Variants in TTC27 observed in about 807,000 individuals in gnomAD.
The protein encoded by TTC27 is tetratricopeptide repeat protein 27.
Under a neutral mutation model 115.9 loss-of-function variants are expected in TTC27, and 79 were observed. The ratio of observed to expected loss-of-function variants is 0.68; its 90% CI spans 0.57 to 0.82. TTC27 has a LOEUF of 0.82. Ranked by LOEUF, TTC27 falls within the 40% of genes least tolerant of loss-of-function variation. The pLI, the probability that TTC27 is intolerant of heterozygous loss-of-function variation, is 0.00. For missense variants in TTC27, 1,054 were observed against 993.1 expected, an observed-to-expected ratio of 1.06 and a Z score of -0.82; for synonymous variants, 401 against 356.0, an observed-to-expected ratio of 1.13 and a Z score of -1.42.
intron 16 of TTC27, among the ~76,000 whole-genome samples, chr2:32,796,109 G>T (rs540318883): frequency 2.6e-5 from 4 of 152,136 alleles, no homozygotes; most frequent in Admixed American, 2.6e-4. Flanking sequence ...ATTCAGCATA[G>T]TAGCAGGATG....
At chr2:32,708,059 A>G (rs560578292) in intron 10 of TTC27, among the ~76,000 whole-genome samples, 1 of 152,282 alleles carries the variant, frequency 6.6e-6, no homozygotes, top group Non-Finnish European at 1.5e-5. Context: ...CAGCAAATTA[A>G]ATAGTACAGT....
intron 5 of TTC27, among the ~76,000 whole-genome samples, chr2:32,654,470 G>T (rs544980691): frequency 2.7e-4 from 41 of 152,098 alleles, no homozygotes; most frequent in African/African-American, 9.9e-4. Flanking sequence ...GTGACATTTT[G>T]TATATGCATA....
At chr2:32,681,856 C>T (rs1368175083) in intron 9 of TTC27, among the ~76,000 whole-genome samples, 1 of 152,014 alleles carries the variant, frequency 6.6e-6, no homozygotes, top group East Asian at 1.9e-4. Flanking sequence ...GTATCTGAGA[C>T]AAGAGGGACT....
chr2:32,758,378 T>A lies in TTC27; in HGVS notation c.1539T>A (p.Ser513=), dbSNP rs754542206. 1 of 1,614,250 alleles carries A rather than the reference T, an allele frequency of 6.2e-7. No homozygotes were observed. Among genetic ancestry groups the A allele is most frequent in the South Asian group, 1.1e-5 (1 of 91,092 alleles). ...CLLGDVLGDH[S]CYDKAWELSR... ...TTGGAGATGTCCTCGGAGACCATTCTTGCTATGACAAGGCCTGGGAGTTGT... is the reference window on the plus strand; with the variant it reads ...TTGGAGATGTCCTCGGAGACCATTCATGCTATGACAAGGCCTGGGAGTTGT... The change falls in exon 13 of 20, where the codon TCT becomes TCA. Residue 513 remains serine (S), a synonymous_variant. Coordinates refer to ENST00000317907, the MANE Select transcript of TTC27 (RefSeq NM_017735.5).
intron 4 of TTC27, among the ~76,000 whole-genome samples, chr2:32,643,375 G>A (rs1221965697): frequency 3.3e-5 from 5 of 151,250 alleles, no homozygotes; most frequent in African/African-American, 9.7e-5. Flanking sequence ...GTGTGATCTC[G>A]GCTCACTACA....
chr2:32,690,430 C>T (rs542225049), intron 9 of TTC27, among the ~76,000 whole-genome samples: 2 of 152,060 alleles, frequency 1.3e-5, no homozygotes, highest in Non-Finnish European at 2.9e-5. Flanking sequence ...TGAAACTGTA[C>T]TTAGCAATAC....
chr2:32,702,954 C>A, intron 10 of TTC27, 34 bp downstream of exon 10: 1 of 1,446,422 alleles, frequency 6.9e-7, no homozygotes, highest in East Asian at 2.3e-5. Flanking sequence ...TGTGCTTCTT[C>A]CAACTCTCTA....
At chr2:32,806,675 G>A (rs929442792) in intron 16 of TTC27, among the ~76,000 whole-genome samples, 7 of 151,934 alleles carry the variant, frequency 4.6e-5, no homozygotes, top group Non-Finnish European at 7.4e-5. Flanking sequence ...CCAGCTACTC[G>A]GGAGGCTGAG....
At chr2:32,777,757 T>C in intron 13 of TTC27, 125 bp from the exon 14 acceptor site, 1 of 824,698 alleles carries the variant, frequency 1.2e-6, no homozygotes, top group Non-Finnish European at 1.9e-6. Flanking sequence ...GTAAGGCAAA[T>C]ATTTATTATA....
intron 15 of TTC27, among the ~76,000 whole-genome samples, chr2:32,785,942 A>T (rs1023295652): frequency 6.7e-6 from 1 of 149,924 alleles, no homozygotes; most frequent in African/African-American, 2.5e-5. Context: ...CAGTTATTTT[A>T]TTCACATCTC....
intron 9 of TTC27, among the ~76,000 whole-genome samples, chr2:32,682,847 G>GTTTTTTTTTTTTTTTT (rs70938360): frequency 1.0e-4 from 5 of 49,780 alleles, no homozygotes; most frequent in South Asian, 1.1e-3. Context: ...TTTTATTGTT[G>GTTTTTTTTTTTTTTTT]TTTTTTTTTT....
chr2:32,628,467 A>G, intron 1 of TTC27, 87 bp downstream of exon 1: 3 of 1,284,422 alleles, frequency 2.3e-6, no homozygotes, highest in Non-Finnish European at 3.1e-6. Flanking sequence ...CCCTCCCTTC[A>G]TTTTTCCCTA....
At chr2:32,706,909 C>T (rs1667393051) in intron 10 of TTC27, among the ~76,000 whole-genome samples, 1 of 152,216 alleles carries the variant, frequency 6.6e-6, no homozygotes, top group Non-Finnish European at 1.5e-5. Flanking sequence ...TATCCAGGCA[C>T]ATGACTTCCT....
intron 7 of TTC27, among the ~76,000 whole-genome samples, chr2:32,669,145 A>G (rs1320010337): frequency 6.6e-6 from 1 of 152,122 alleles, no homozygotes; most frequent in Non-Finnish European, 1.5e-5. Flanking sequence ...AGACCAGGTT[A>G]TGAGACTGGC....
At chr2:32,786,241 C>T (rs1330422142) in intron 15 of TTC27, among the ~76,000 whole-genome samples, 1 of 152,086 alleles carries the variant, frequency 6.6e-6, no homozygotes, top group Non-Finnish European at 1.5e-5. Context: ...TGTGTCTCAG[C>T]CTCCTGAGTA....
chr2:32,661,344 A>G (rs945632525), intron 5 of TTC27, among the ~76,000 whole-genome samples: 6 of 152,186 alleles, frequency 3.9e-5, no homozygotes, highest in Non-Finnish European at 8.8e-5. Flanking sequence ...CATTGAATCT[A>G]TAAATTACTT....
intron 13 of TTC27, among the ~76,000 whole-genome samples, chr2:32,762,276 AGTGTGTGTGTGTGTGTGTGTGTGTGTGT>A (rs10523103): frequency 1.5e-5 from 2 of 136,324 alleles, no homozygotes; most frequent in South Asian, 2.4e-4. Flanking sequence ...CACAGAGAGA[AGTGTGTGTGTGTGTGTGTGTGTGTGTGT>A]GTGTGTGTGT....
At chr2:32,733,124 G>T (rs1213193385) in intron 10 of TTC27, among the ~76,000 whole-genome samples, 2 of 152,172 alleles carry the variant, frequency 1.3e-5, no homozygotes, top group African/African-American at 4.8e-5. Context: ...CCACTGGATA[G>T]CTCCAGCTTT....
intron 10 of TTC27, among the ~76,000 whole-genome samples, chr2:32,718,514 A>G (rs1043544168): frequency 6.6e-6 from 1 of 152,100 alleles, no homozygotes; most frequent in Non-Finnish European, 1.5e-5. Context: ...GTGCATTATT[A>G]ATTAGAATTT....
Sources: allele counts gnomAD v4.1 joint callset (sites outside exome capture counted in the v4.1 genomes callset), GRCh38; gene constraint gnomAD v4.1.1; transcripts MANE v1.5; gene names NCBI Gene and HGNC (gene_info 2026-07-23, HGNC 2026-07-21).